The following GRM5 variants were observed in gnomAD, a reference collection of about 807,000 sequenced individuals.
The protein encoded by GRM5 is glutamate metabotropic receptor 5, also known as metabotropic glutamate receptor 5.
In GRM5, 19 loss-of-function variants were observed where a neutral mutation model predicts 83.1. The observed-to-expected ratio is 0.23, with a 90% CI of 0.16 to 0.34. The LOEUF is 0.34. GRM5 is among the 10% of genes least tolerant of loss of function. GRM5 has a pLI of 1.00. For missense variants in GRM5, 1,160 were observed against 1,588.3 expected, an observed-to-expected ratio of 0.73 and a Z score of 4.58; for synonymous variants, 675 against 633.6, an observed-to-expected ratio of 1.07 and a Z score of -0.98.
chr11:89,021,968 G>A (rs1474885263), intron 2 of GRM5, among the ~76,000 whole-genome samples: 1 of 152,156 alleles, frequency 6.6e-6, no homozygotes, highest in East Asian at 1.9e-4. Flanking sequence ...AAGAGAATGA[G>A]TTAAACCACA....
intron 8 of GRM5, among the ~76,000 whole-genome samples, chr11:88,537,640 A>G (rs923288484): frequency 1.3e-5 from 2 of 152,196 alleles, no homozygotes; most frequent in African/African-American, 4.8e-5. Context: ...TACTATTGCA[A>G]GGTAATTCCT....
chr11:88,978,013 C>T (rs1192712068), intron 2 of GRM5, among the ~76,000 whole-genome samples: 5 of 152,188 alleles, frequency 3.3e-5, no homozygotes, highest in Non-Finnish European at 5.9e-5. Flanking sequence ...ATATCATCTA[C>T]TTTATTGGGT....
intron 3 of GRM5, among the ~76,000 whole-genome samples, chr11:88,748,825 G>T (rs1962191902): frequency 6.6e-6 from 1 of 152,068 alleles, no homozygotes; most frequent in South Asian, 2.1e-4. Flanking sequence ...TTCTGGAGTG[G>T]ACCCCCAGCA....
intron 4 of GRM5, among the ~76,000 whole-genome samples, chr11:88,642,184 C>T (rs1271838502): frequency 1.3e-5 from 2 of 152,316 alleles, no homozygotes; most frequent in East Asian, 1.9e-4. Flanking sequence ...AAGCTTATGA[C>T]TTCCATTCTC....
intron 7 of GRM5, among the ~76,000 whole-genome samples, chr11:88,585,780 T>C (rs1207772723): frequency 6.6e-6 from 1 of 152,184 alleles, no homozygotes; most frequent in Non-Finnish European, 1.5e-5. Context: ...ATTATCTCCA[T>C]GAGGGCAGGG....
At chr11:89,016,531 A>G (rs1940860384) in intron 2 of GRM5, among the ~76,000 whole-genome samples, 2 of 152,152 alleles carry the variant, frequency 1.3e-5, no homozygotes, top group African/African-American at 4.8e-5. Flanking sequence ...CCAATGCATA[A>G]TCCTTTATAT....
intron 3 of GRM5, among the ~76,000 whole-genome samples, chr11:88,731,332 T>C (rs1361811528): frequency 1.3e-5 from 2 of 152,066 alleles, no homozygotes; most frequent in Admixed American, 1.3e-4. Flanking sequence ...TTACTTAGTA[T>C]TATTCTACTG....
intron 3 of GRM5, among the ~76,000 whole-genome samples, chr11:88,730,618 G>A (rs1014448407): frequency 2.5e-4 from 38 of 151,878 alleles, no homozygotes; most frequent in African/African-American, 8.7e-4. Context: ...GGAACCAACC[G>A]AAATGTTCAT....
intron 2 of GRM5, among the ~76,000 whole-genome samples, chr11:88,929,073 A>G (rs574663541): frequency 6.6e-6 from 1 of 152,210 alleles, no homozygotes; most frequent in East Asian, 1.9e-4. Flanking sequence ...ATCTAAATTC[A>G]AATTCATCAT....
At chr11:88,993,082 T>C (rs1225866209) in intron 2 of GRM5, among the ~76,000 whole-genome samples, 1 of 150,526 alleles carries the variant, frequency 6.6e-6, no homozygotes, top group Non-Finnish European at 1.5e-5. Flanking sequence ...CTATCTAACA[T>C]AGTGAAACCC....
chr11:89,000,419 T>C (rs1940339929), intron 2 of GRM5, among the ~76,000 whole-genome samples: 1 of 152,214 alleles, frequency 6.6e-6, no homozygotes, highest in African/African-American at 2.4e-5. Context: ...CACATAAATA[T>C]GCCCAACTGA....
intron 3 of GRM5, among the ~76,000 whole-genome samples, chr11:88,677,229 T>C (rs1269039683): frequency 1.3e-5 from 2 of 152,124 alleles, no homozygotes; most frequent in African/African-American, 4.8e-5. Flanking sequence ...AAGCCCTGAC[T>C]TTTAATATAA....
chr11:89,032,775 G>T (rs1459191851), intron 2 of GRM5, among the ~76,000 whole-genome samples: 1 of 152,042 alleles, frequency 6.6e-6, no homozygotes, highest in Non-Finnish European at 1.5e-5. Context: ...AAACTCAAGT[G>T]TATCTGAATT....
intron 2 of GRM5, among the ~76,000 whole-genome samples, chr11:88,942,723 A>G (rs1230857960): frequency 7.1e-6 from 1 of 140,170 alleles, no homozygotes; most frequent in African/African-American, 2.5e-5. Flanking sequence ...CTGTAAAATG[A>G]CAGTGTTTAA....
At chr11:88,824,525 G>C (rs1032692610) in intron 3 of GRM5, among the ~76,000 whole-genome samples, 5 of 152,130 alleles carry the variant, frequency 3.3e-5, no homozygotes, top group Non-Finnish European at 5.9e-5. Flanking sequence ...GGCGGGGCAG[G>C]GGGGTGGTTT....
chr11:88,645,675 T>C (rs937471242), intron 4 of GRM5, among the ~76,000 whole-genome samples: 2 of 152,108 alleles, frequency 1.3e-5, no homozygotes, highest in Non-Finnish European at 1.5e-5. Context: ...CCTTTGAAAC[T>C]AATTTTTAGT....
intron 3 of GRM5, among the ~76,000 whole-genome samples, chr11:88,708,829 C>A (rs1015811922): frequency 6.6e-6 from 1 of 151,978 alleles, no homozygotes; most frequent in Non-Finnish European, 1.5e-5. Context: ...GGTTCATCAC[C>A]CATAATATCT....
chr11:88,528,814 A>T (rs1030008584), intron 8 of GRM5, among the ~76,000 whole-genome samples: 3 of 152,066 alleles, frequency 2.0e-5, no homozygotes, highest in African/African-American at 7.2e-5. Flanking sequence ...TAAAACAGCC[A>T]TACAAAGCAG....
At chr11:88,816,595 G>C (rs1412808011) in intron 3 of GRM5, among the ~76,000 whole-genome samples, 1 of 147,388 alleles carries the variant, frequency 6.8e-6, no homozygotes, top group Non-Finnish European at 1.5e-5. Flanking sequence ...AACAAATGAA[G>C]ATAAAAATAA....
Sources: gnomAD v4.1 joint callset for allele counts (sites outside exome capture counted in the v4.1 genomes callset) on GRCh38, gnomAD v4.1.1 for gene constraint, MANE v1.5 for transcripts, NCBI Gene and HGNC (gene_info 2026-07-23, HGNC 2026-07-21) for gene names.